STPG2: variants seen among roughly 807,000 people sequenced by gnomAD.
STPG2 encodes sperm-tail PG-rich repeat-containing protein 2.
A neutral mutation model predicts 54.2 loss-of-function variants in STPG2; 56 were observed. That is an observed-to-expected ratio of 1.03 (90% CI 0.83 to 1.29). The LOEUF is 1.29. STPG2 is among the 50% of genes most tolerant of loss of function. The pLI is 0.00. For missense variants in STPG2, 596 were observed against 544.9 expected (o/e 1.09, Z -0.93); for synonymous variants, 200 against 181.8 (o/e 1.10, Z -0.81).
At chr4:97,595,063 C>A (rs1733249894) in intron 10 of STPG2, among the ~76,000 whole-genome samples, 1 of 152,136 alleles carries the variant, frequency 6.6e-6, no homozygotes, top group Non-Finnish European at 1.5e-5. Flanking sequence ...GGATCTAGAC[C>A]TAGAAATACC....
chr4:97,872,769 T>C (rs1267136115), intron 8 of STPG2, among the ~76,000 whole-genome samples: 2 of 151,310 alleles, frequency 1.3e-5, no homozygotes, highest in African/African-American at 4.8e-5. Context: ...TTTTTTTCTA[T>C]ATTATAACTT....
At chr4:97,867,187 T>C (rs140611459) in intron 8 of STPG2, among the ~76,000 whole-genome samples, 126 of 152,102 alleles carry the variant, frequency 8.3e-4, no homozygotes, top group African/African-American at 2.8e-3. Context: ...TATTATTTTC[T>C]CCTCAACTGT....
intron 10 of STPG2, among the ~76,000 whole-genome samples, chr4:97,672,843 C>T (rs528511447): frequency 9.1e-4 from 139 of 152,204 alleles, no homozygotes; most frequent in Non-Finnish European, 1.7e-3. Flanking sequence ...GTAAAATTCA[C>T]ATTAAAATCC....
intron 9 of STPG2, among the ~76,000 whole-genome samples, chr4:97,833,011 T>C (rs549031714): frequency 6.6e-6 from 1 of 152,228 alleles, no homozygotes; most frequent in South Asian, 2.1e-4. Flanking sequence ...AAAAAACTAC[T>C]TTAAATTTCA....
intron 10 of STPG2, among the ~76,000 whole-genome samples, chr4:97,561,607 C>G (rs948090362): frequency 3.3e-5 from 5 of 152,166 alleles, no homozygotes; most frequent in African/African-American, 1.2e-4. Context: ...TTTAATCCAT[C>G]TTGAATTAAT....
intron 4 of STPG2, among the ~76,000 whole-genome samples, chr4:97,519,856 G>C (rs144438030): frequency 2.2e-3 from 333 of 152,120 alleles, no homozygotes; most frequent in African/African-American, 7.9e-3. Flanking sequence ...GAAAGGACAA[G>C]GGATAGGTAA....
chr4:97,900,342 C>G (rs1191060082), intron 8 of STPG2, among the ~76,000 whole-genome samples: 1 of 152,086 alleles, frequency 6.6e-6, no homozygotes, highest in Non-Finnish European at 1.5e-5. Flanking sequence ...ATTAGTTCAA[C>G]CATTGTGGAA....
chr4:98,020,432 G>A (rs983697307), intron 5 of STPG2, among the ~76,000 whole-genome samples: 5 of 147,838 alleles, frequency 3.4e-5, no homozygotes, highest in Non-Finnish European at 7.5e-5. Context: ...GTATTTTATT[G>A]AGGATTTTTG....
intron 7 of STPG2, among the ~76,000 whole-genome samples, chr4:97,966,373 G>A (rs1390194147): frequency 6.6e-6 from 1 of 152,222 alleles, no homozygotes; most frequent in Non-Finnish European, 1.5e-5. Context: ...ATGGGACTAT[G>A]TGAAAAGAAT....
intron 8 of STPG2, among the ~76,000 whole-genome samples, chr4:97,866,918 A>T (rs970836772): frequency 1.3e-5 from 2 of 151,640 alleles, no homozygotes; most frequent in African/African-American, 4.8e-5. Flanking sequence ...GGTAAAAAAA[A>T]CTTGGGCATT....
chr4:97,654,481 A>G (rs1012391685), intron 10 of STPG2, among the ~76,000 whole-genome samples: 1 of 152,020 alleles, frequency 6.6e-6, no homozygotes, highest in Non-Finnish European at 1.5e-5. Context: ...CTTCCTGACC[A>G]TCCTGATTAC....
chr4:97,740,166 C>T (rs1003000088), intron 9 of STPG2, among the ~76,000 whole-genome samples: 4 of 152,168 alleles, frequency 2.6e-5, no homozygotes, highest in Non-Finnish European at 4.4e-5. Context: ...TTCAACAACG[C>T]TTCATGCTAA....
At chr4:97,471,791 A>T (rs1350240774) in intron 4 of STPG2, among the ~76,000 whole-genome samples, 1 of 152,348 alleles carries the variant, frequency 6.6e-6, no homozygotes, top group Non-Finnish European at 1.5e-5. Flanking sequence ...AATATTATAA[A>T]TACAATATGA....
intron 8 of STPG2, among the ~76,000 whole-genome samples, chr4:97,934,630 T>C (rs1560597790): frequency 6.6e-6 from 1 of 152,198 alleles, no homozygotes; most frequent in African/African-American, 2.4e-5. Flanking sequence ...TATAGTTTTT[T>C]CATTAGTTCT....
At chr4:97,855,450 G>C (rs542240029) in intron 8 of STPG2, among the ~76,000 whole-genome samples, 1 of 152,084 alleles carries the variant, frequency 6.6e-6, no homozygotes, top group Admixed American at 6.6e-5. Flanking sequence ...TCTTGTGTTT[G>C]TCTTCTGCAT....
intron 2 of STPG2, among the ~76,000 whole-genome samples, chr4:98,129,922 A>T (rs1436813707): frequency 6.6e-6 from 1 of 152,140 alleles, no homozygotes; most frequent in Non-Finnish European, 1.5e-5. Flanking sequence ...CAGTGGCATG[A>T]TCTCCGCTCA....
chr4:97,647,844 C>T (rs1377850068), intron 10 of STPG2, among the ~76,000 whole-genome samples: 1 of 152,128 alleles, frequency 6.6e-6, no homozygotes, highest in Non-Finnish European at 1.5e-5. Flanking sequence ...CTACAGTGAG[C>T]CATCTGGTAG....
intron 10 of STPG2, among the ~76,000 whole-genome samples, chr4:97,641,549 A>G (rs1224238268): frequency 1.3e-5 from 2 of 151,466 alleles, no homozygotes; most frequent in Non-Finnish European, 1.5e-5. Context: ...GATATAGAAT[A>G]TAATTTTAGC....
rs544166051 is a variant in STPG2, at chr4:97,565,591, T to G, written c.1321-6474A>C. ...TATCTACTTTTGGTCTTTGATGATGTGATGTACAGATGGGTTTTTGGTGTG... is the reference window on the plus strand; with the variant it reads ...TATCTACTTTTGGTCTTTGATGATGGGATGTACAGATGGGTTTTTGGTGTG... On this transcript the variant is annotated intron_variant, in intron 10 of 10. Transcript: ENST00000295268. Among the ~76,000 whole-genome samples the G allele has an allele frequency of 2.6e-5, 4 of 152,282 alleles. No individual in the cohort carries two copies. In the East Asian group the frequency reaches 7.7e-4, roughly 29 times the overall value.
Sources: gnomAD v4.1 joint callset for allele counts (sites outside exome capture counted in the v4.1 genomes callset) on GRCh38, gnomAD v4.1.1 for gene constraint, MANE v1.5 for transcripts, NCBI Gene and HGNC (gene_info 2026-07-23, HGNC 2026-07-21) for gene names.